PTPRA: variants seen among roughly 807,000 people sequenced by gnomAD.
PTPRA encodes the protein protein tyrosine phosphatase receptor type A.
A neutral mutation model predicts 104.8 loss-of-function variants in PTPRA; 25 were observed. That is an observed-to-expected ratio of 0.24 (90% CI 0.17 to 0.33). The LOEUF (loss-of-function observed/expected upper bound fraction) is 0.33, where lower values mean the gene tolerates loss of function less well. Among genes scored for constraint, PTPRA ranks in the 10% least tolerant of loss-of-function variants. PTPRA has a pLI of 1.00. For synonymous variants in PTPRA, 323 were observed against 368.9 expected, an observed-to-expected ratio of 0.88 and a Z score of 1.43; for missense variants, 765 against 1,015.3, an observed-to-expected ratio of 0.75 and a Z score of 3.35.
chr20:2,939,679 CAAAA>C (rs1003019252), intron 2 of PTPRA, among the ~76,000 whole-genome samples: 2 of 152,142 alleles, frequency 1.3e-5, no homozygotes, highest in Non-Finnish European at 2.9e-5. Flanking sequence ...CCAAACCAAA[CAAAA>C]AAGTAGGGAG....
At chr20:2,888,950 C>A (rs1051087343) in intron 1 of PTPRA, among the ~76,000 whole-genome samples, 3 of 152,076 alleles carry the variant, frequency 2.0e-5, no homozygotes, top group African/African-American at 7.2e-5. Flanking sequence ...TTCGGTTTCC[C>A]CAATGTTAGT....
intron 6 of PTPRA, among the ~76,000 whole-genome samples, chr20:2,979,811 T>A (rs1357953684): frequency 3.9e-5 from 6 of 152,244 alleles, no homozygotes; most frequent in Non-Finnish European, 8.8e-5. Context: ...CCCAAAGTGT[T>A]GGGCTTACAG....
Position 3,037,654 on chromosome 20 carries a change from C to T in PTPRA, c.2334+365C>T, listed in dbSNP as rs2065867721. 6.6e-6 allele frequency among the ~76,000 whole-genome samples: 1 copy of T among 152,200 alleles called. No individual in the cohort carries two copies. The highest frequency in any genetic ancestry group is 2.4e-5 in the African/African-American group (1 of 41,436). ...TAAGCCGCACATCCACAGAGGTTTT[C>T]CTGAATCCCATGGAGCTAGAAATGT... On this transcript the variant is annotated intron_variant, in intron 23 of 23. Coordinates refer to ENST00000399903, the MANE Select transcript of PTPRA (RefSeq NM_001385305.1). The surrounding 1 kb of genome is among the most constrained non-coding windows in gnomAD (Gnocchi z 4.3).
chr20:2,982,122 G>T (rs1427765461), intron 6 of PTPRA, among the ~76,000 whole-genome samples: 9 of 137,308 alleles, frequency 6.6e-5, no homozygotes, highest in South Asian at 2.3e-4. Flanking sequence ...GCAGAGTCTC[G>T]CTCCGTCACC....
intron 1 of PTPRA, among the ~76,000 whole-genome samples, chr20:2,891,880 A>T (rs2146980892): frequency 6.6e-6 from 1 of 152,342 alleles, no homozygotes; most frequent in East Asian, 1.9e-4. Context: ...CTATATGGCT[A>T]AAACAATGCA....
chr20:2,902,298 A>T (rs1455998169), intron 1 of PTPRA, among the ~76,000 whole-genome samples: 2 of 152,158 alleles, frequency 1.3e-5, no homozygotes, highest in African/African-American at 4.8e-5. Flanking sequence ...CACAACTTTC[A>T]CCTGTGGTTA....
chr20:2,942,056 G>A (rs1030780014), intron 2 of PTPRA, among the ~76,000 whole-genome samples: 2 of 152,296 alleles, frequency 1.3e-5, no homozygotes, highest in South Asian at 4.1e-4. Flanking sequence ...CTAGTAGAAG[G>A]AACAGGGCCT....
chr20:2,935,235 CA>C, intron 2 of PTPRA, among the ~76,000 whole-genome samples: 1 of 152,262 alleles, frequency 6.6e-6, no homozygotes, highest in East Asian at 1.9e-4. Flanking sequence ...TAAGTGAGAT[CA>C]TGTGATATTT....
At chr20:2,940,947 C>A (rs1261369986) in intron 2 of PTPRA, among the ~76,000 whole-genome samples, 1 of 151,630 alleles carries the variant, frequency 6.6e-6, no homozygotes, top group Non-Finnish European at 1.5e-5. Context: ...GTGAAAGTTT[C>A]TTTTGTTTCT....
intron 3 of PTPRA, among the ~76,000 whole-genome samples, chr20:2,956,911 T>C (rs2061556398): frequency 6.6e-6 from 1 of 152,200 alleles, no homozygotes. Flanking sequence ...TTATAGATTA[T>C]ATGAGAGTAC....
chr20:2,982,346 C>T (rs2148092302), intron 6 of PTPRA, among the ~76,000 whole-genome samples: 1 of 152,260 alleles, frequency 6.6e-6, no homozygotes. Context: ...CTCGGCCTCC[C>T]AAAGTGCTGG....
chr20:2,903,319 G>GTTT (rs1180744254), intron 1 of PTPRA, among the ~76,000 whole-genome samples: 2 of 152,200 alleles, frequency 1.3e-5, no homozygotes, highest in Non-Finnish European at 2.9e-5. Flanking sequence ...TGGAGTAAGT[G>GTTT]AGCAAAGTTG....
the PTPRA span, chr20:2,865,143 C>G: frequency 6.2e-7 from 1 of 1,614,142 alleles, no homozygotes; most frequent in South Asian, 1.1e-5. The surrounding 1 kb of genome is among the most constrained non-coding windows in gnomAD (Gnocchi z 5.2). Flanking sequence ...TATCCGGGTC[C>G]CCAGGCTACA....
chr20:2,876,635 C>T (rs2089736515), intron 1 of PTPRA, among the ~76,000 whole-genome samples: 1 of 152,150 alleles, frequency 6.6e-6, no homozygotes, highest in Non-Finnish European at 1.5e-5. Flanking sequence ...CAATGAATGT[C>T]CTTGTACATA....
chr20:2,866,705 T>C, the PTPRA span: 1 of 1,369,336 alleles, frequency 7.3e-7, no homozygotes, highest in Admixed American at 2.4e-5. Context: ...CAGGGCTGTC[T>C]GGTTTTAAAT....
At chr20:2,911,787 A>G (rs2059731811) in intron 1 of PTPRA, among the ~76,000 whole-genome samples, 1 of 152,158 alleles carries the variant, frequency 6.6e-6, no homozygotes, top group South Asian at 2.1e-4. Context: ...AGATACGTAC[A>G]TGCCCCCTAG....
In PTPRA at chr20:2,873,556, C is replaced by G. The variant is rs942772302; in HGVS notation, c.-333C>G. 2 of 151,638 alleles carry G rather than the reference C, an allele frequency of 1.3e-5. No homozygotes were observed. Among genetic ancestry groups the G allele is most frequent in the East Asian group, 1.9e-4 (1 of 5,156 alleles). 9.4% of individuals were successfully genotyped at this position (151,638 alleles called of 1,614,324 possible). A position where few individuals can be genotyped will look rare whatever the true frequency, so the allele number is the denominator to read the frequency against. On this transcript the variant is annotated 5_prime_UTR_variant, in exon 1 of 24. Coordinates refer to ENST00000399903, the MANE Select transcript of PTPRA (RefSeq NM_001385305.1). The surrounding 1 kb of genome is among the most constrained non-coding windows in gnomAD (Gnocchi z 4.4). ...CGCGCGATCGCGCTCGGACCCCGGC[C>G]GCTGCCGCCATCACTGTCGCCCGCC... is the stretch of plus-strand genomic sequence containing the variant.
chr20:2,875,253 C>G (rs2089643291), intron 1 of PTPRA, among the ~76,000 whole-genome samples: 1 of 152,138 alleles, frequency 6.6e-6, no homozygotes, highest in Admixed American at 6.5e-5. Flanking sequence ...CACCCAGCCC[C>G]CATAAGCAGT....
chr20:2,934,572 T>C (rs190318497), intron 2 of PTPRA, among the ~76,000 whole-genome samples: 99 of 152,298 alleles, frequency 6.5e-4, no homozygotes, highest in African/African-American at 2.3e-3. Context: ...ATGTGAACTT[T>C]TTTTAAAACA....
Sources: allele counts gnomAD v4.1 joint callset (sites outside exome capture counted in the v4.1 genomes callset), GRCh38; gene constraint gnomAD v4.1.1; non-coding constraint Gnocchi (gnomAD v3.1); transcripts MANE v1.5; gene names NCBI Gene and HGNC (gene_info 2026-07-23, HGNC 2026-07-21).